Variants in MAP7 observed in about 807,000 individuals in gnomAD.
The protein encoded by MAP7 is microtubule associated protein 7.
MAP7 carries 52 observed loss-of-function variants against 94.8 expected under a neutral mutation model. That is an observed-to-expected ratio of 0.55 (90% confidence interval 0.44 to 0.69). The LOEUF (loss-of-function observed/expected upper bound fraction) is 0.69. MAP7 is among the 30% of genes least tolerant of loss of function. The pLI, the probability that MAP7 is intolerant of heterozygous loss-of-function variation, is 0.00. For missense variants in MAP7, 940 were observed against 964.6 expected, an observed-to-expected ratio of 0.97 and a Z score of 0.34; for synonymous variants, 350 against 357.0, an observed-to-expected ratio of 0.98 and a Z score of 0.22.
At position 136,361,081 on chromosome 6, in the gene MAP7, T is replaced by A; in HGVS notation, c.1625A>T (p.Lys542Met). Residue 542 changes from lysine to methionine, a missense_variant, in exon 12 of 18, where the codon AAG becomes ATG. Transcript: ENST00000354570. ...RRLEAEQARE[K>M]EEQLQRQAEE... Reference sequence around the variant, plus strand: ...CGCCTGCCGCTGCAGCTGCTCCTCCTTCTCCCGGGCCTGCTCGGCTTCCAG... The same window carrying A: ...CGCCTGCCGCTGCAGCTGCTCCTCCATCTCCCGGGCCTGCTCGGCTTCCAG... 18 of 1,603,240 alleles carry A rather than the reference T, an allele frequency of 1.1e-5. No individual in the cohort carries two copies. Among genetic ancestry groups the A allele is most frequent in the Non-Finnish European group, 1.5e-5 (18 of 1,179,260 alleles).
At chr6:136,426,408 T>A (rs1480410169) in intron 1 of MAP7, among the ~76,000 whole-genome samples, 1 of 152,318 alleles carries the variant, frequency 6.6e-6, no homozygotes, top group Middle Eastern at 3.4e-3. Context: ...ATGCTTATCA[T>A]CCTTTGGAGG....
At chr6:136,506,341 T>C (rs1348285744) in intron 1 of MAP7, among the ~76,000 whole-genome samples, 3 of 152,108 alleles carry the variant, frequency 2.0e-5, no homozygotes, top group Admixed American at 2.0e-4. Context: ...AAGAGGTCAC[T>C]AAATAGCTGG....
At chr6:136,419,708 C>A in intron 2 of MAP7, 1 of 180,448 alleles carries the variant, frequency 5.5e-6, no homozygotes, top group South Asian at 1.3e-4. Context: ...AGATGAATAA[C>A]AAAGCATATT....
intron 1 of MAP7, among the ~76,000 whole-genome samples, chr6:136,500,902 T>C (rs544041425): frequency 6.6e-6 from 1 of 152,300 alleles, no homozygotes; most frequent in Non-Finnish European, 1.5e-5. Flanking sequence ...ATTAGTAGAT[T>C]TTAAAGCAGA....
chr6:136,425,928 C>T (rs969550515), intron 1 of MAP7, among the ~76,000 whole-genome samples: 5 of 152,132 alleles, frequency 3.3e-5, no homozygotes, highest in African/African-American at 9.7e-5. Context: ...ATCTTGAGCT[C>T]GATGCTGGAA....
intron 1 of MAP7, among the ~76,000 whole-genome samples, chr6:136,456,873 A>AG (rs1803407025): frequency 2.0e-5 from 3 of 150,290 alleles, no homozygotes; most frequent in Admixed American, 6.6e-5. Flanking sequence ...AAGAAGAAGA[A>AG]ATACTTCAAA....
At chr6:136,539,145 A>T (rs550889374) in intron 1 of MAP7, among the ~76,000 whole-genome samples, 9 of 152,342 alleles carry the variant, frequency 5.9e-5, no homozygotes, top group Non-Finnish European at 1.2e-4. Flanking sequence ...AGTAATCATG[A>T]CAAGAACCAT....
intron 17 of MAP7, 107 bp downstream of exon 17, chr6:136,345,749 G>T: frequency 3.1e-6 from 3 of 960,944 alleles, no homozygotes; most frequent in Non-Finnish European, 1.7e-6. Context: ...TTGGTCCTTT[G>T]AAGAACAAAG....
chr6:136,431,499 T>C (rs1227668808), intron 1 of MAP7, among the ~76,000 whole-genome samples: 2 of 147,828 alleles, frequency 1.4e-5, no homozygotes, highest in Non-Finnish European at 3.0e-5. Flanking sequence ...ATGCTTTATT[T>C]ATTTATTTAT....
intron 1 of MAP7, among the ~76,000 whole-genome samples, chr6:136,454,587 C>T (rs916300537): frequency 2.0e-5 from 3 of 151,640 alleles, no homozygotes; most frequent in Admixed American, 6.6e-5. Context: ...CATGAGCCAC[C>T]GAACCTGGCC....
chr6:136,356,881 T>C, intron 15 of MAP7, 87 bp from the exon 16 acceptor site: 1 of 1,048,880 alleles, frequency 9.5e-7, no homozygotes, highest in African/African-American at 1.6e-5. Context: ...CCTTGATTTA[T>C]GTGCTGGTTC....
rs545391106 is a variant in MAP7 at position 136,513,657 on chromosome 6, C to T, written c.67+36685G>A. ...GTAGATGCACCTGACAGTGATAATGCGACCTGAGTATACCCTGAGAATGAC... is the reference window on the plus strand; with the variant it reads ...GTAGATGCACCTGACAGTGATAATGTGACCTGAGTATACCCTGAGAATGAC... On this transcript the variant is annotated intron_variant, in intron 1 of 17. Coordinates refer to ENST00000354570, the MANE Select transcript of MAP7 (RefSeq NM_003980.6). Among the ~76,000 whole-genome samples, 225 of 152,206 alleles carry T rather than the reference C, an allele frequency of 1.5e-3. 1 individual carries two copies. The highest frequency in any genetic ancestry group is 2.4e-3 in the Non-Finnish European group (162 of 68,030).
At chr6:136,404,277 C>T (rs981292122) in intron 3 of MAP7, among the ~76,000 whole-genome samples, 1 of 151,796 alleles carries the variant, frequency 6.6e-6, no homozygotes, top group African/African-American at 2.4e-5. Context: ...TGACCACACT[C>T]TTATTAGTAC....
intron 1 of MAP7, among the ~76,000 whole-genome samples, chr6:136,455,891 C>T (rs920035782): frequency 1.1e-4 from 16 of 152,208 alleles, no homozygotes; most frequent in Admixed American, 9.2e-4. Flanking sequence ...AGAGATATCT[C>T]CCTCTAACTC....
intron 8 of MAP7, among the ~76,000 whole-genome samples, chr6:136,370,657 C>A (rs1774182372): frequency 2.6e-5 from 4 of 151,662 alleles, no homozygotes; most frequent in Admixed American, 2.0e-4. Context: ...AAGCCAGGCA[C>A]AAAAATTCAA....
chr6:136,545,023 T>A (rs1487688382), intron 1 of MAP7, among the ~76,000 whole-genome samples: 1 of 152,260 alleles, frequency 6.6e-6, no homozygotes, highest in Admixed American at 6.5e-5. Flanking sequence ...GTCTCATATG[T>A]CACCTTTTTA....
chr6:136,442,405 CAAAA>C (rs549791806), intron 1 of MAP7, among the ~76,000 whole-genome samples: 21 of 90,612 alleles, frequency 2.3e-4, no homozygotes, highest in East Asian at 6.3e-4. Context: ...ACTCTGTCTC[CAAAA>C]AAAAAAAAAA....
intron 16 of MAP7, among the ~76,000 whole-genome samples, chr6:136,350,760 G>T (rs2128526033): frequency 6.6e-6 from 1 of 152,304 alleles, no homozygotes; most frequent in Non-Finnish European, 1.5e-5. Context: ...TCAGGAGGCT[G>T]GGGTGGGAGG....
At chr6:136,408,940 T>A (rs780049457) in intron 3 of MAP7, among the ~76,000 whole-genome samples, 17 of 152,110 alleles carry the variant, frequency 1.1e-4, no homozygotes, top group Admixed American at 2.0e-4. Context: ...AACGGCTCTT[T>A]TACAACTGTA....
Sources: allele counts gnomAD v4.1 joint callset (sites outside exome capture counted in the v4.1 genomes callset), GRCh38; gene constraint gnomAD v4.1.1; transcripts MANE v1.5; gene names NCBI Gene and HGNC (gene_info 2026-07-23, HGNC 2026-07-21).